TMEM144: variants seen among roughly 807,000 people sequenced by gnomAD.
TMEM144 encodes the protein transmembrane protein 144.
Under a neutral mutation model 43.6 loss-of-function variants are expected in TMEM144, and 39 were observed. The ratio of observed to expected loss-of-function variants is 0.90; its 90% CI spans 0.69 to 1.17. The LOEUF (loss-of-function observed/expected upper bound fraction) is 1.17. Among genes scored for constraint, TMEM144 ranks in the 50% most tolerant of loss-of-function variants. TMEM144 has a pLI of 0.00. For missense variants in TMEM144, 417 were observed against 411.9 expected (o/e 1.01, Z -0.11); for synonymous variants, 154 against 133.6 (o/e 1.15, Z -1.06).
intron 6 of TMEM144, among the ~76,000 whole-genome samples, chr4:158,225,236 C>G (rs990671061): frequency 2.6e-5 from 4 of 152,222 alleles, no homozygotes; most frequent in Non-Finnish European, 5.9e-5. Context: ...AGATAGGCCA[C>G]TGGCCCTTGG....
rs926794588 is a variant in TMEM144, at chr4:158,253,660, A to AT, written c.*140dup. The AT allele has an allele frequency of 7.5e-6, 5 of 662,266 alleles. No individual in the cohort carries two copies. The highest frequency in any genetic ancestry group is 1.3e-5 in the Non-Finnish European group (5 of 398,130). 41.0% of individuals were successfully genotyped at this position (662,266 alleles called of 1,614,324 possible). A position where few individuals can be genotyped will look rare whatever the true frequency, so the allele number is the denominator to read the frequency against. On this transcript the variant is annotated 3_prime_UTR_variant, in exon 13 of 13. Transcript: ENST00000296529. ...CAGCCACTGTTGGAGTGGGTAAATG[A>AT]TTTTTTTCCCCAAAAATGTGAGAAT...
Position 158,237,525 on chromosome 4 carries a change from G to A in TMEM144, c.564G>A (p.Val188=), listed in dbSNP as rs12504074. 0.1 allele frequency: 165,270 copies of A among 1,605,894 alleles called. 9,179 individuals are homozygous for A. Among genetic ancestry groups the A allele is most frequent in the Middle Eastern group, 0.17 (1,001 of 6,048 alleles). ...AATAGTGATTTATTTGTTTTGTAAG[G>A]GGCTGCAGTCTTGCAGTGATATCTG... The part of the protein sequence containing the change: ...DKLSTVHHRI[V]GCSLAVISGV... Residue 188 remains valine, a splice_region_variant and synonymous_variant, in exon 9 of 13, where the codon GTG becomes GTA. Transcript: ENST00000296529.
chr4:158,243,617 T>A (rs902504990), intron 11 of TMEM144, among the ~76,000 whole-genome samples: 8 of 152,198 alleles, frequency 5.3e-5, no homozygotes, highest in African/African-American at 1.9e-4. Context: ...GTTTATAAAT[T>A]GCAGAACCAT....
chr4:158,217,150 A>C lies in TMEM144; in HGVS notation c.233-171A>C, dbSNP rs139466009. Among the ~76,000 whole-genome samples the C allele has an allele frequency of 2.0e-5, 3 of 152,304 alleles. No homozygotes were observed. In the East Asian group the frequency reaches 5.8e-4, roughly 29 times the overall value. On this transcript the variant is annotated intron_variant, in intron 4 of 12. Coordinates refer to ENST00000296529, the MANE Select transcript of TMEM144 (RefSeq NM_018342.5). ...AGTTCTTTTAGCACACATACTCATA[A>C]ATTTAATGCCAAAAATGTGGTTATT...
intron 6 of TMEM144, among the ~76,000 whole-genome samples, chr4:158,227,717 C>G (rs914696889): frequency 1.3e-5 from 2 of 152,144 alleles, no homozygotes; most frequent in Non-Finnish European, 2.9e-5. Context: ...CGTCTATGTA[C>G]AGAAACTGGT....
intron 3 of TMEM144, among the ~76,000 whole-genome samples, chr4:158,214,857 C>A (rs1053064752): frequency 1.3e-5 from 2 of 152,122 alleles, no homozygotes; most frequent in Non-Finnish European, 2.9e-5. Context: ...CACTCTTGGG[C>A]AGAAAATTCT....
chr4:158,237,271 T>C (rs764605438), intron 8 of TMEM144: 4 of 365,610 alleles, frequency 1.1e-5, no homozygotes, highest in Non-Finnish European at 2.0e-5. Flanking sequence ...ATAATTATAA[T>C]CCATTTTAAT....
intron 5 of TMEM144, 25 bp from the exon 6 acceptor site, chr4:158,219,285 T>G (rs769689914): frequency 6.2e-7 from 1 of 1,611,576 alleles, no homozygotes; most frequent in African/African-American, 1.3e-5. Context: ...AATATTTAAT[T>G]TGATGTGACT....
Position 158,232,994 on chromosome 4 carries a change from A to C in TMEM144, c.495+12A>C, listed in dbSNP as rs1313292291. Reference sequence around the variant, plus strand: ...TAATAACAGAGCATGTGAGTATAGTATGAGAGACAACTTGATTTGAAACAT... The same window carrying C: ...TAATAACAGAGCATGTGAGTATAGTCTGAGAGACAACTTGATTTGAAACAT... On this transcript the variant is annotated intron_variant, in intron 7 of 12. Coordinates refer to ENST00000296529, the MANE Select transcript of TMEM144 (RefSeq NM_018342.5). The C allele has an allele frequency of 6.5e-7, 1 of 1,549,976 alleles. No individual in the cohort carries two copies. Among genetic ancestry groups the C allele is most frequent in the African/African-American group, 1.4e-5 (1 of 72,384 alleles).
chr4:158,235,569 C>T, intron 8 of TMEM144, 64 bp downstream of exon 8: 2 of 1,476,122 alleles, frequency 1.4e-6, no homozygotes, highest in Non-Finnish European at 1.9e-6. Context: ...CAGGGATTAC[C>T]AGCATGAAGT....
chr4:158,250,785 C>T (rs1287638493), intron 12 of TMEM144, among the ~76,000 whole-genome samples: 1 of 152,180 alleles, frequency 6.6e-6, no homozygotes, highest in African/African-American at 2.4e-5. Flanking sequence ...GAGGATTAGC[C>T]TCTAACAGCC....
chr4:158,226,607 A>G (rs145149276), intron 6 of TMEM144, among the ~76,000 whole-genome samples: 1 of 152,114 alleles, frequency 6.6e-6, no homozygotes, highest in African/African-American at 2.4e-5. Flanking sequence ...TATTTTCTTT[A>G]TACACCTTGC....
rs1310519746 is a variant in TMEM144, at chr4:158,254,570, GGCAACATAGCAAGGT to G, written c.*1044_*1058del. 1.3e-5 allele frequency: 2 copies of G among 151,462 alleles called. No homozygotes were observed. Among genetic ancestry groups the G allele is most frequent in the African/African-American group, 4.9e-5 (2 of 41,204 alleles). 9.4% of individuals were successfully genotyped at this position (151,462 alleles called of 1,614,324 possible). A position where few individuals can be genotyped will look rare whatever the true frequency, so the allele number is the denominator to read the frequency against. ...CCAAGAGTGCAAATCTGCCAGCCTA[GGCAACATAGCAAGGT>G]CCCATCTCTAAAAAAGAAATTTAAT... On this transcript the variant is annotated 3_prime_UTR_variant, in exon 13 of 13. Coordinates refer to ENST00000296529, the MANE Select transcript of TMEM144 (RefSeq NM_018342.5).
chr4:158,235,599 G>A, intron 8 of TMEM144, 94 bp downstream of exon 8: 1 of 1,281,294 alleles, frequency 7.8e-7, no homozygotes, highest in African/African-American at 1.5e-5. Context: ...CTGAGTTCAA[G>A]AAGAAAATTG....
chr4:158,240,854 T>C (rs1036349152), intron 10 of TMEM144, among the ~76,000 whole-genome samples: 2 of 152,234 alleles, frequency 1.3e-5, no homozygotes, highest in East Asian at 3.8e-4. Context: ...AAAAAAGACA[T>C]ATGTTAAACA....
intron 1 of TMEM144, chr4:158,211,225 G>A (rs1733944657): frequency 6.6e-6 from 1 of 152,204 alleles, no homozygotes; most frequent in Non-Finnish European, 1.5e-5. Context: ...TTATTCAGTA[G>A]TCGAAATGCA....
At chr4:158,244,427 T>G in intron 12 of TMEM144, 78 bp downstream of exon 12, 1 of 1,207,450 alleles carries the variant, frequency 8.3e-7, no homozygotes, top group Non-Finnish European at 1.2e-6. Context: ...GTCCTGGCAC[T>G]TTGGGAGGCC....
intron 6 of TMEM144, among the ~76,000 whole-genome samples, chr4:158,232,577 T>C (rs1354331620): frequency 6.6e-6 from 1 of 152,252 alleles, no homozygotes; most frequent in Non-Finnish European, 1.5e-5. Context: ...AGTTGGTCGA[T>C]ATAATAGCTA....
intron 5 of TMEM144, 74 bp downstream of exon 5, chr4:158,217,494 G>A: frequency 2.9e-6 from 3 of 1,051,318 alleles, no homozygotes; most frequent in Non-Finnish European, 1.5e-6. Flanking sequence ...ATTACCGAGA[G>A]GAATAACATA....
Sources: gnomAD v4.1 joint callset for allele counts (sites outside exome capture counted in the v4.1 genomes callset) on GRCh38, gnomAD v4.1.1 for gene constraint, MANE v1.5 for transcripts, NCBI Gene and HGNC (gene_info 2026-07-23, HGNC 2026-07-21) for gene names.